ZFAT: variants seen among roughly 807,000 people sequenced by gnomAD.
ZFAT encodes the protein zinc finger protein ZFAT.
ZFAT carries 64 observed loss-of-function variants against 117.7 expected under a neutral mutation model. The observed-to-expected ratio is 0.54, with a 90% CI of 0.44 to 0.67. ZFAT has a LOEUF of 0.67. Ranked by LOEUF, ZFAT falls within the 30% of genes least tolerant of loss-of-function variation. The pLI is 0.00. For synonymous variants in ZFAT, 679 were observed against 615.0 expected (o/e 1.10, Z -1.54); for missense variants, 1,433 against 1,584.5 (o/e 0.90, Z 1.62).
intron 3 of ZFAT, among the ~76,000 whole-genome samples, chr8:134,615,394 A>G (rs1403492788): frequency 6.6e-6 from 1 of 152,070 alleles, no homozygotes; most frequent in African/African-American, 2.4e-5. Flanking sequence ...TCGCCATGTT[A>G]GCCAGACTGG....
chr8:134,528,019 C>G (rs1395250020), intron 12 of ZFAT, among the ~76,000 whole-genome samples: 1 of 152,256 alleles, frequency 6.6e-6, no homozygotes, highest in Non-Finnish European at 1.5e-5. Context: ...ATGTGTGTGA[C>G]TTTTCCACCA....
At chr8:134,581,841 T>C (rs1028591135) in intron 10 of ZFAT, among the ~76,000 whole-genome samples, 3 of 152,124 alleles carry the variant, frequency 2.0e-5, no homozygotes, top group Non-Finnish European at 2.9e-5. Context: ...TCACCTCCCT[T>C]GGCCTCCCAA....
intron 2 of ZFAT, among the ~76,000 whole-genome samples, chr8:134,651,718 C>T (rs549034837): frequency 6.6e-6 from 1 of 151,994 alleles, no homozygotes; most frequent in Admixed American, 6.5e-5. Flanking sequence ...GAAGCAGAGG[C>T]AATACCAAAA....
At chr8:134,525,010 A>G (rs1479616976) in intron 12 of ZFAT, among the ~76,000 whole-genome samples, 1 of 152,240 alleles carries the variant, frequency 6.6e-6, no homozygotes, top group Non-Finnish European at 1.5e-5. Context: ...AAGTAACCCT[A>G]CTGAGGTCAC....
chr8:134,742,478 G>A, the ZFAT span, among the ~76,000 whole-genome samples: 5 of 152,102 alleles, frequency 3.3e-5, no homozygotes, highest in South Asian at 2.1e-4. Flanking sequence ...CACAGTCCTC[G>A]GGGTTCAATC....
chr8:134,829,180 T>G, the ZFAT span, among the ~76,000 whole-genome samples: 2 of 152,246 alleles, frequency 1.3e-5, no homozygotes, highest in African/African-American at 4.8e-5. Context: ...AAATCAGGCT[T>G]GTCCAACCCA....
At chr8:134,712,820 C>CCCA in intron 1 of ZFAT, 25 bp downstream of exon 1, 1 of 868,878 alleles carries the variant, frequency 1.2e-6, no homozygotes, top group Non-Finnish European at 1.7e-6. Flanking sequence ...CACCCCGTCT[C>CCCA]ACCCCAACCC....
intron 11 of ZFAT, among the ~76,000 whole-genome samples, chr8:134,552,829 G>T (rs370208455): frequency 1.5e-4 from 23 of 152,350 alleles, no homozygotes; most frequent in African/African-American, 5.3e-4. Flanking sequence ...AAAATGCACA[G>T]ATTTCAAAAA....
chr8:134,780,999 T>A, the ZFAT span, among the ~76,000 whole-genome samples: 1 of 152,340 alleles, frequency 6.6e-6, no homozygotes, highest in South Asian at 2.1e-4. Flanking sequence ...TGGCATAGTA[T>A]TTTATCATTT....
chr8:134,582,298 C>T (rs143828531), intron 10 of ZFAT, among the ~76,000 whole-genome samples: 127 of 152,322 alleles, frequency 8.3e-4, no homozygotes, highest in Admixed American at 3.7e-3. Flanking sequence ...AGGCATGAGA[C>T]GACAGAACCC....
intron 11 of ZFAT, among the ~76,000 whole-genome samples, chr8:134,561,324 C>T (rs1054061716): frequency 2.0e-5 from 3 of 152,220 alleles, no homozygotes; most frequent in African/African-American, 4.8e-5. Context: ...CCGGCCCTGC[C>T]TTTCACTGGT....
rs886982272 is a variant in ZFAT, at chr8:134,608,739, T to C, written c.775A>G (p.Lys259Glu). 3.1e-6 allele frequency: 5 copies of C among 1,610,380 alleles called. No individual in the cohort carries two copies. Among genetic ancestry groups the C allele is most frequent in the Non-Finnish European group, 3.4e-6 (4 of 1,178,652 alleles). ...AACAAAACACTTTACCTGCTTGACT[T>C]CATTGGTTGCTCATAAGGTGTCTGC... The part of the protein sequence containing the change: ...IQQTPYEQPM[K>E]SSRLGPTQLK... The change falls in exon 5 of 16, where the codon AAG (lysine) becomes GAG (glutamate). Residue 259 changes from lysine to glutamate, a missense_variant. By Grantham distance (56) the Lys-to-Glu change is moderately conservative. This residue lies in a region of ZFAT where 436 missense variants were observed against 482.0 expected (regional missense o/e 0.90). Coordinates refer to ENST00000377838, the MANE Select transcript of ZFAT (RefSeq NM_020863.4).
rs577421517 is a variant in ZFAT, at chr8:134,692,805, G to T, written c.19+20040C>A. Among the ~76,000 whole-genome samples, 3 of 152,330 alleles carry T rather than the reference G, an allele frequency of 2.0e-5. No homozygotes were observed. The East Asian group carries it at 5.8e-4, about 29-fold the overall frequency. ...TTAAATACTGAACTCTAGGTAGCAG[G>T]CTTCTTTTTCACAAAGACATGGTTT... On this transcript the variant is annotated intron_variant, in intron 1 of 15. Transcript: ENST00000377838.
At chr8:134,791,114 T>C in the ZFAT span, among the ~76,000 whole-genome samples, 1 of 152,230 alleles carries the variant, frequency 6.6e-6, no homozygotes, top group East Asian at 1.9e-4. Flanking sequence ...ATTCCTTTAT[T>C]AAAGCCAGTA....
chr8:134,666,247 G>C (rs1832210256), intron 1 of ZFAT, among the ~76,000 whole-genome samples: 2 of 152,188 alleles, frequency 1.3e-5, no homozygotes, highest in African/African-American at 4.8e-5. Flanking sequence ...AAGAGACTGA[G>C]TGGGGAACCT....
At chr8:134,782,827 T>C in the ZFAT span, among the ~76,000 whole-genome samples, 1,310 of 152,238 alleles carry the variant, frequency 8.6e-3, 20 homozygotes, top group African/African-American at 0.03. Flanking sequence ...TCTTTATCAG[T>C]AGCATGAAAA....
intron 11 of ZFAT, among the ~76,000 whole-genome samples, chr8:134,550,186 C>T (rs1318224038): frequency 2.6e-5 from 4 of 151,986 alleles, no homozygotes; most frequent in African/African-American, 7.3e-5. Flanking sequence ...GCCGAGTCCA[C>T]CGGGCACCAC....
At chr8:134,641,373 C>T (rs1041236998) in intron 2 of ZFAT, among the ~76,000 whole-genome samples, 1 of 152,162 alleles carries the variant, frequency 6.6e-6, no homozygotes, top group African/African-American at 2.4e-5. Flanking sequence ...TTGTACTATT[C>T]TCCCAAGCTG....
At chr8:134,633,281 T>A (rs1328796997) in intron 3 of ZFAT, among the ~76,000 whole-genome samples, 1 of 152,186 alleles carries the variant, frequency 6.6e-6, no homozygotes, top group Non-Finnish European at 1.5e-5. Context: ...AAAAGAGCTA[T>A]TAGCTGTAAA....
Sources: gnomAD v4.1 joint callset for allele counts (sites outside exome capture counted in the v4.1 genomes callset) on GRCh38, gnomAD v4.1.1 for gene constraint, gnomAD v4.1.1 regional missense constraint, MANE v1.5 for transcripts, NCBI Gene and HGNC (gene_info 2026-07-23, HGNC 2026-07-21) for gene names.